Variants in ST3GAL3 observed in about 807,000 individuals in gnomAD.
ST3GAL3 encodes the protein ST3 beta-galactoside alpha-2,3-sialyltransferase 3, also known as CMP-N-acetylneuraminate-beta-1,4-galactoside alpha-2,3-sialyltransferase.
ST3GAL3 carries 21 observed loss-of-function variants against 50.1 expected under a neutral mutation model. The ratio of observed to expected loss-of-function variants is 0.42; its 90% CI spans 0.30 to 0.60. The LOEUF is 0.60. Among genes scored for constraint, ST3GAL3 ranks in the 20% least tolerant of loss-of-function variants. The pLI is 0.19. For synonymous variants in ST3GAL3, 183 were observed against 190.0 expected, an observed-to-expected ratio of 0.96 and a Z score of 0.30; for missense variants, 353 against 489.4, an observed-to-expected ratio of 0.72 and a Z score of 2.63.
chr1:43,729,093 T>TC (rs1179060294), intron 1 of ST3GAL3, among the ~76,000 whole-genome samples: 8 of 146,626 alleles, frequency 5.5e-5, no homozygotes, highest in African/African-American at 2.0e-4. Context: ...ATTTTTCTTT[T>TC]TTTTTTTTTT....
At chr1:43,844,475 G>T (rs2065900877) in intron 5 of ST3GAL3, among the ~76,000 whole-genome samples, 1 of 152,166 alleles carries the variant, frequency 6.6e-6, no homozygotes, top group African/African-American at 2.4e-5. Context: ...AAATTACAAA[G>T]GTCTTAAGAG....
chr1:43,749,442 T>TA (rs1186879474), intron 2 of ST3GAL3, among the ~76,000 whole-genome samples: 1 of 152,170 alleles, frequency 6.6e-6, no homozygotes, highest in Non-Finnish European at 1.5e-5. Flanking sequence ...AAGGAACTCT[T>TA]ACAACTGAAT....
chr1:43,866,987 A>G (rs1231460719), intron 5 of ST3GAL3, among the ~76,000 whole-genome samples: 1 of 152,126 alleles, frequency 6.6e-6, no homozygotes, highest in Admixed American at 6.5e-5. Context: ...AAAATTAGCC[A>G]GGCATAGTGG....
intron 5 of ST3GAL3, among the ~76,000 whole-genome samples, chr1:43,854,849 A>G (rs1335687815): frequency 6.6e-6 from 1 of 152,180 alleles, no homozygotes; most frequent in Non-Finnish European, 1.5e-5. Flanking sequence ...CCAGATATCT[A>G]ATGAGTCGTC....
intron 9 of ST3GAL3, chr1:43,913,396 T>A (rs745946745): frequency 6.6e-6 from 1 of 152,212 alleles, no homozygotes. Flanking sequence ...ACAAGGAACT[T>A]GAGGCTTAAA....
chr1:43,856,443 CGAG>C (rs2068398157), intron 5 of ST3GAL3, among the ~76,000 whole-genome samples: 1 of 152,174 alleles, frequency 6.6e-6, no homozygotes, highest in Non-Finnish European at 1.5e-5. Context: ...TGTCCTGAAT[CGAG>C]GCTCTGAACC....
At chr1:43,757,735 T>G (rs1433250397) in intron 2 of ST3GAL3, among the ~76,000 whole-genome samples, 1 of 152,162 alleles carries the variant, frequency 6.6e-6, no homozygotes, top group Non-Finnish European at 1.5e-5. Context: ...TTGAGTTTGG[T>G]AAAGATTTCT....
chr1:43,738,954 G>A (rs1403659525), intron 2 of ST3GAL3: 1 of 152,078 alleles, frequency 6.6e-6, no homozygotes, highest in Non-Finnish European at 1.5e-5. Flanking sequence ...CCGTAAGATA[G>A]CAGGGTCTTT....
At chr1:43,879,150 G>C (rs1349376559) in intron 5 of ST3GAL3, 1 of 447,450 alleles carries the variant, frequency 2.2e-6, no homozygotes, top group Non-Finnish European at 4.5e-6. Context: ...TGAAAACATA[G>C]AACCAGCCTT....
At chr1:43,753,359 G>A (rs1407003657) in intron 2 of ST3GAL3, among the ~76,000 whole-genome samples, 3 of 152,222 alleles carry the variant, frequency 2.0e-5, no homozygotes, top group African/African-American at 7.2e-5. Context: ...TTGTAACTCA[G>A]TAATTTATTT....
intron 5 of ST3GAL3, among the ~76,000 whole-genome samples, chr1:43,863,024 AC>A (rs1171888734): frequency 6.6e-6 from 1 of 152,224 alleles, no homozygotes; most frequent in African/African-American, 2.4e-5. Context: ...GACTCAAATA[AC>A]TGGATATTGC....
At chr1:43,921,069 C>A in intron 11 of ST3GAL3, 141 bp downstream of exon 11, 5 of 982,948 alleles carry the variant, frequency 5.1e-6, no homozygotes, top group Non-Finnish European at 7.6e-6. Flanking sequence ...CCTACGTGCC[C>A]TCTCCACAGC....
At chr1:43,857,572 T>TTCCTCCC (rs1558605176) in intron 5 of ST3GAL3, among the ~76,000 whole-genome samples, 9 of 80,948 alleles carry the variant, frequency 1.1e-4, no homozygotes, top group African/African-American at 4.9e-4. Context: ...TCCTTCTTTC[T>TTCCTCCC]TTCCTTCCTC....
rs530988586 is a variant in ST3GAL3, at chr1:43,870,224, A to G, written c.303-24159A>G. ...AAATGAATTTTGTGAGGCTAAAATG[A>G]TATTGTATAATGAAAAACAGTTAAG... On this transcript the variant is annotated intron_variant, in intron 5 of 11. Transcript: ENST00000347631. Among the ~76,000 whole-genome samples the G allele has an allele frequency of 9.8e-5, 15 of 152,354 alleles. No homozygotes were observed. The South Asian group carries it at 1.4e-3, about 15-fold the overall frequency.
chr1:43,783,494 C>T (rs1700019051), intron 2 of ST3GAL3, among the ~76,000 whole-genome samples: 1 of 152,230 alleles, frequency 6.6e-6, no homozygotes, highest in East Asian at 1.9e-4. Flanking sequence ...GTGAATCACA[C>T]TCATCTCCCA....
intron 4 of ST3GAL3, among the ~76,000 whole-genome samples, chr1:43,819,766 C>G (rs2061850821): frequency 6.6e-6 from 1 of 152,062 alleles, no homozygotes; most frequent in African/African-American, 2.4e-5. Context: ...AGTTTTTCAG[C>G]CCACTCCCCA....
At chr1:43,859,809 A>G (rs2069453594) in intron 5 of ST3GAL3, among the ~76,000 whole-genome samples, 1 of 152,136 alleles carries the variant, frequency 6.6e-6, no homozygotes, top group South Asian at 2.1e-4. Flanking sequence ...CCTTGCTCCC[A>G]TGTGTCCAAG....
intron 1 of ST3GAL3, among the ~76,000 whole-genome samples, chr1:43,708,442 T>C (rs1317662671): frequency 6.6e-6 from 1 of 152,156 alleles, no homozygotes; most frequent in African/African-American, 2.4e-5. Context: ...ATACTCAAAC[T>C]TTTCAGTGGA....
At chr1:43,874,489 G>A (rs1364204430) in intron 5 of ST3GAL3, among the ~76,000 whole-genome samples, 8 of 152,144 alleles carry the variant, frequency 5.3e-5, no homozygotes, top group African/African-American at 1.7e-4. Context: ...TTTTCATAAT[G>A]TAAAGTTAGA....
Sources: gnomAD v4.1 joint callset for allele counts (sites outside exome capture counted in the v4.1 genomes callset) on GRCh38, gnomAD v4.1.1 for gene constraint, MANE v1.5 for transcripts, NCBI Gene and HGNC (gene_info 2026-07-23, HGNC 2026-07-21) for gene names.